The following GALNT13 variants were observed in gnomAD, a reference collection of about 807,000 sequenced individuals.
GALNT13 encodes polypeptide N-acetylgalactosaminyltransferase 13, also known as UDP-GalNAc:polypeptide N-acetylgalactosaminyltransferase 13.
Under a neutral mutation model 64.2 loss-of-function variants are expected in GALNT13, and 28 were observed. The observed-to-expected ratio is 0.44, with a 90% confidence interval of 0.32 to 0.60. The LOEUF is 0.60. Among genes scored for constraint, GALNT13 ranks in the 20% least tolerant of loss-of-function variants. GALNT13 has a pLI of 0.05. For synonymous variants in GALNT13, 214 were observed against 224.6 expected (o/e 0.95, Z 0.42); for missense variants, 577 against 669.8 (o/e 0.86, Z 1.53).
chr2:153,160,514 G>A, the GALNT13 span, among the ~76,000 whole-genome samples: 1 of 152,066 alleles, frequency 6.6e-6, no homozygotes, highest in Non-Finnish European at 1.5e-5. Context: ...AGAAGATTTA[G>A]CATTCATGCA....
At chr2:153,705,980 AT>A in the GALNT13 span, among the ~76,000 whole-genome samples, 1 of 151,976 alleles carries the variant, frequency 6.6e-6, no homozygotes, top group African/African-American at 2.4e-5. Context: ...TATGCTTTGT[AT>A]TGAGGACTAT....
chr2:154,088,200 C>G (rs973634799), intron 3 of GALNT13, among the ~76,000 whole-genome samples: 25 of 152,022 alleles, frequency 1.6e-4, no homozygotes, highest in African/African-American at 5.8e-4. Flanking sequence ...AGTACTAAGG[C>G]CTTCATTTCT....
the GALNT13 span, among the ~76,000 whole-genome samples, chr2:153,257,273 G>C: frequency 0.83 from 125,636 of 151,990 alleles, 53,118 homozygotes; most frequent in African/African-American, 0.91. Context: ...TGACCCCTTG[G>C]GCTTCCCAAG....
At chr2:153,885,858 G>T (rs1687138077) in intron 1 of GALNT13, among the ~76,000 whole-genome samples, 1 of 152,062 alleles carries the variant, frequency 6.6e-6, no homozygotes, top group African/African-American at 2.4e-5. Context: ...ATTAACGTGA[G>T]CATATGGGTA....
intron 3 of GALNT13, among the ~76,000 whole-genome samples, chr2:154,091,133 C>A (rs1279035303): frequency 6.6e-6 from 1 of 151,918 alleles, no homozygotes; most frequent in Non-Finnish European, 1.5e-5. Context: ...TATTTGAAGT[C>A]TAGTGCTCAG....
chr2:153,324,943 T>G, the GALNT13 span, among the ~76,000 whole-genome samples: 1 of 152,040 alleles, frequency 6.6e-6, no homozygotes, highest in African/African-American at 2.4e-5. Context: ...CTGAATTTTC[T>G]TTTTTTGTTG....
At chr2:153,722,894 A>T in the GALNT13 span, among the ~76,000 whole-genome samples, 1 of 151,318 alleles carries the variant, frequency 6.6e-6, no homozygotes. Context: ...AAATGGTACC[A>T]TTCCTTCTGA....
intron 8 of GALNT13, among the ~76,000 whole-genome samples, chr2:154,282,563 G>A (rs961192391): frequency 6.6e-6 from 1 of 152,020 alleles, no homozygotes; most frequent in Non-Finnish European, 1.5e-5. Context: ...CTCTTCTTCT[G>A]CATGTGAGTT....
chr2:154,354,052 C>G (rs754267116), intron 9 of GALNT13, among the ~76,000 whole-genome samples: 2 of 152,158 alleles, frequency 1.3e-5, no homozygotes, highest in African/African-American at 4.8e-5. Context: ...TTTCTTCTCT[C>G]TACCCCCACC....
chr2:153,322,624 G>C, the GALNT13 span, among the ~76,000 whole-genome samples: 3 of 152,000 alleles, frequency 2.0e-5, no homozygotes, highest in African/African-American at 7.2e-5. Flanking sequence ...TCTACATTAG[G>C]TATTTCTGCT....
chr2:153,130,713 C>G, the GALNT13 span, among the ~76,000 whole-genome samples: 9 of 152,124 alleles, frequency 5.9e-5, no homozygotes, highest in South Asian at 2.1e-4. Context: ...GTCGAATACC[C>G]TACACAAAGA....
the GALNT13 span, among the ~76,000 whole-genome samples, chr2:153,108,852 G>A: frequency 6.6e-6 from 1 of 152,200 alleles, no homozygotes; most frequent in African/African-American, 2.4e-5. Flanking sequence ...CTCCAGGTTG[G>A]AATATAATTT....
chr2:154,425,134 T>C (rs1304126804), intron 11 of GALNT13, among the ~76,000 whole-genome samples: 1 of 152,192 alleles, frequency 6.6e-6, no homozygotes, highest in Non-Finnish European at 1.5e-5. Flanking sequence ...AGAATCTTTA[T>C]ATATGTAACA....
the GALNT13 span, among the ~76,000 whole-genome samples, chr2:153,717,629 ATCT>A: frequency 9.8e-5 from 15 of 152,350 alleles, no homozygotes; most frequent in Admixed American, 6.5e-5. Flanking sequence ...TTAATTTTAA[ATCT>A]TCTACATATT....
chr2:154,221,430 T>C (rs1688316204), intron 4 of GALNT13, among the ~76,000 whole-genome samples: 1 of 152,098 alleles, frequency 6.6e-6, no homozygotes. Flanking sequence ...AATTACATTG[T>C]TTTGTTTTGC....
chr2:154,428,111 C>T (rs930159121), intron 11 of GALNT13, among the ~76,000 whole-genome samples: 1 of 152,062 alleles, frequency 6.6e-6, no homozygotes, highest in Non-Finnish European at 1.5e-5. Context: ...ACACACTTTT[C>T]GAATTGACTG....
At chr2:153,980,429 A>T (rs1485668184) in intron 3 of GALNT13, among the ~76,000 whole-genome samples, 1 of 152,154 alleles carries the variant, frequency 6.6e-6, no homozygotes, top group East Asian at 1.9e-4. Flanking sequence ...GCCTAAATAA[A>T]GTTAGTGAAA....
In GALNT13 at chr2:154,307,324, C is replaced by G. The variant is rs1693793553; in HGVS notation, c.1156+5735C>G. Among the ~76,000 whole-genome samples the G allele has an allele frequency of 3.9e-5, 6 of 152,104 alleles. No individual in the cohort carries two copies. The South Asian group carries it at 1.2e-3, about 32-fold the overall frequency. ...AATTGTCTAACAGAGCAACATAATA[C>G]AAGAGCCCACAAACCAAAATAAGGT... On this transcript the variant is annotated intron_variant, in intron 9 of 12. Coordinates refer to ENST00000392825, the MANE Select transcript of GALNT13 (RefSeq NM_052917.4).
chr2:154,344,330 C>T (rs894868489), intron 9 of GALNT13, among the ~76,000 whole-genome samples: 10 of 95,336 alleles, frequency 1.0e-4, no homozygotes, highest in African/African-American at 2.9e-4. Context: ...GTTCTGTCAT[C>T]CTTTTATCTT....
Sources: gnomAD v4.1 joint callset for allele counts (sites outside exome capture counted in the v4.1 genomes callset) on GRCh38, gnomAD v4.1.1 for gene constraint, MANE v1.5 for transcripts, NCBI Gene and HGNC (gene_info 2026-07-23, HGNC 2026-07-21) for gene names.